CEP128: variants seen among roughly 807,000 people sequenced by gnomAD.
CEP128 encodes the protein centrosomal protein 128kDa.
In CEP128, 132 loss-of-function variants were observed where a neutral mutation model predicts 156.7. The ratio of observed to expected loss-of-function variants is 0.84; its 90% CI spans 0.73 to 0.97. The LOEUF is 0.97. Ranked by LOEUF, CEP128 falls within the 50% of genes least tolerant of loss-of-function variation. The pLI is 0.00. For synonymous variants in CEP128, 469 were observed against 448.9 expected (o/e 1.04, Z -0.57); for missense variants, 1,252 against 1,281.9 (o/e 0.98, Z 0.36).
At chr14:80,709,842 G>T (rs921138390) in intron 19 of CEP128, among the ~76,000 whole-genome samples, 4 of 151,726 alleles carry the variant, frequency 2.6e-5, no homozygotes, top group Non-Finnish European at 4.4e-5. Context: ...TTATCAGTAG[G>T]TTTTTTTCTG....
chr14:80,862,960 A>G (rs1047199782), intron 8 of CEP128, 87 bp from the exon 9 acceptor site: 2 of 862,802 alleles, frequency 2.3e-6, no homozygotes, highest in Non-Finnish European at 3.8e-6. Flanking sequence ...TAGCAGATAC[A>G]CTACTGCTTA....
chr14:80,487,872 A>C (rs1887204340), downstream of CEP128, among the ~76,000 whole-genome samples: 2 of 152,032 alleles, frequency 1.3e-5, no homozygotes. Context: ...GACACATTCA[A>C]AGCAGTGTGT....
chr14:80,750,153 A>G (rs1899315501), intron 18 of CEP128, among the ~76,000 whole-genome samples: 1 of 152,222 alleles, frequency 6.6e-6, no homozygotes, highest in African/African-American at 2.4e-5. Flanking sequence ...AGCGTAAGGT[A>G]GAAAACATCA....
At chr14:80,484,814 T>G (rs1483388503) in intron 14 of CEP128, among the ~76,000 whole-genome samples, 1 of 151,650 alleles carries the variant, frequency 6.6e-6, no homozygotes, top group African/African-American at 2.4e-5. Flanking sequence ...GGAAAGGTAT[T>G]GAACATTTAG....
intron 4 of CEP128, among the ~76,000 whole-genome samples, chr14:80,910,309 C>T (rs1481475610): frequency 6.6e-6 from 1 of 152,112 alleles, no homozygotes; most frequent in Non-Finnish European, 1.5e-5. Context: ...GGGTCCTCAC[C>T]GAATTCTCAT....
intron 19 of CEP128, among the ~76,000 whole-genome samples, chr14:80,588,098 G>T (rs1891895131): frequency 6.6e-6 from 1 of 152,012 alleles, no homozygotes; most frequent in African/African-American, 2.4e-5. Flanking sequence ...CCAGATCTAC[G>T]CTTCTTAGGC....
chr14:80,585,427 G>A (rs916154591), intron 19 of CEP128, among the ~76,000 whole-genome samples: 3 of 152,204 alleles, frequency 2.0e-5, no homozygotes, highest in Non-Finnish European at 4.4e-5. Context: ...TCATGTCCAG[G>A]TGTGTATGAG....
intron 12 of CEP128, among the ~76,000 whole-genome samples, chr14:80,835,205 T>C (rs1264371872): frequency 6.6e-6 from 1 of 152,146 alleles, no homozygotes; most frequent in Admixed American, 6.6e-5. Flanking sequence ...TCCCCAGAAT[T>C]CCAGCAGATG....
chr14:80,712,934 T>A (rs1197544640), intron 19 of CEP128, among the ~76,000 whole-genome samples: 1 of 152,074 alleles, frequency 6.6e-6, no homozygotes, highest in Non-Finnish European at 1.5e-5. Context: ...CTAACTCTAA[T>A]CTGTAAAATA....
At chr14:80,867,634 A>C (rs1887830012) in intron 8 of CEP128, among the ~76,000 whole-genome samples, 1 of 152,118 alleles carries the variant, frequency 6.6e-6, no homozygotes, top group African/African-American at 2.4e-5. Flanking sequence ...GAGCTCAAAG[A>C]CAGGTCATTT....
At chr14:80,506,412 T>TTA (rs1555368797) in intron 23 of CEP128, among the ~76,000 whole-genome samples, 1 of 146,492 alleles carries the variant, frequency 6.8e-6, no homozygotes, top group Non-Finnish European at 1.5e-5. Context: ...TTTGATTTAT[T>TTA]TTTTTTTTTT....
intron 13 of CEP128, chr14:80,830,248 T>C (rs765742741): frequency 2.3e-5 from 15 of 645,132 alleles, no homozygotes; most frequent in Non-Finnish European, 3.9e-5. Context: ...AATCCAAATC[T>C]TGAACCAAAT....
At chr14:80,710,899 A>G (rs1451717922) in intron 19 of CEP128, among the ~76,000 whole-genome samples, 1 of 152,162 alleles carries the variant, frequency 6.6e-6, no homozygotes, top group Non-Finnish European at 1.5e-5. Context: ...AAATTGTCCA[A>G]TAGTTTCCTC....
intron 2 of CEP128, among the ~76,000 whole-genome samples, chr14:80,928,798 A>G (rs1185895039): frequency 6.6e-6 from 1 of 152,144 alleles, no homozygotes; most frequent in East Asian, 1.9e-4. Flanking sequence ...AAACCTAGGA[A>G]AAACTCTTCT....
At chr14:80,623,605 C>T (rs1893584338) in intron 19 of CEP128, among the ~76,000 whole-genome samples, 1 of 151,008 alleles carries the variant, frequency 6.6e-6, no homozygotes, top group Non-Finnish European at 1.5e-5. Context: ...TATATATTTG[C>T]CAATGTCATA....
Position 80,685,210 on chromosome 14 carries a change from G to A in CEP128, c.2806+57865C>T, listed in dbSNP as rs193218499. Among the ~76,000 whole-genome samples, 164 of 152,068 alleles carry A rather than the reference G, an allele frequency of 1.1e-3. 1 individual carries two copies. The highest frequency in any genetic ancestry group is 3.7e-3 in the African/African-American group (153 of 41,524). The stretch of plus-strand genomic sequence containing the variant: ...ATCCCTAGAAAACTCTAAAGACTTG[G>A]CAAAAGGCTACTGGGACTGATAAAC... On this transcript the variant is annotated intron_variant, in intron 19 of 24. Transcript: ENST00000555265.
intron 9 of CEP128, among the ~76,000 whole-genome samples, chr14:80,856,841 G>A (rs556093390): frequency 8.0e-5 from 11 of 138,336 alleles, no homozygotes; most frequent in Non-Finnish European, 1.4e-4. Context: ...AGCTATTCTC[G>A]TGCCTCAGAC....
chr14:80,609,226 A>G (rs889737727), intron 19 of CEP128, among the ~76,000 whole-genome samples: 1 of 152,192 alleles, frequency 6.6e-6, no homozygotes, highest in African/African-American at 2.4e-5. Context: ...AAGCATTTGG[A>G]TAAGTAAATA....
intron 14 of CEP128, among the ~76,000 whole-genome samples, chr14:80,480,758 T>C (rs1400270558): frequency 6.6e-6 from 1 of 152,208 alleles, no homozygotes; most frequent in African/African-American, 2.4e-5. Context: ...AGAAATTTCT[T>C]CTGCCAGATA....
Sources: allele counts gnomAD v4.1 joint callset (sites outside exome capture counted in the v4.1 genomes callset), GRCh38; gene constraint gnomAD v4.1.1; transcripts MANE v1.5; gene names NCBI Gene and HGNC (gene_info 2026-07-23, HGNC 2026-07-21).